NDEL1: variants seen among roughly 807,000 people sequenced by gnomAD.
The protein encoded by NDEL1 is nuclear distribution protein nudE-like 1.
NDEL1 carries 9 observed loss-of-function variants against 45.7 expected under a neutral mutation model. The observed-to-expected ratio is 0.20, with a 90% CI of 0.12 to 0.34. The LOEUF is 0.34. Ranked by LOEUF, NDEL1 falls within the 10% of genes least tolerant of loss-of-function variation. NDEL1 has a pLI of 1.00. For missense variants in NDEL1, 306 were observed against 406.2 expected (o/e 0.75, Z 2.12); for synonymous variants, 133 against 158.6 (o/e 0.84, Z 1.21).
intron 5 of NDEL1, among the ~76,000 whole-genome samples, chr17:8,449,694 ATGTGTAGTATGTGACAAAATTTCCTTC>A: frequency 2.0e-5 from 3 of 152,306 alleles, no homozygotes; most frequent in Middle Eastern, 6.8e-3. Flanking sequence ...AGGTTTATCC[ATGTGTAGTATGTGACAAAATTTCCTTC>A]TTTTTTAAGG....
Position 8,467,358 on chromosome 17 carries a change from T to A in NDEL1, c.*335T>A. The stretch of plus-strand genomic sequence containing the variant: ...ACCTGCCCCATAGCCCCCACTCTGC[T>A]GTACTGATAGGATTTAGTTGTGTTT... On this transcript the variant is annotated 3_prime_UTR_variant, in exon 9 of 9. Transcript: ENST00000334527. The surrounding 1 kb of genome is among the most constrained non-coding windows in gnomAD (Gnocchi z 6.3). The A allele has an allele frequency of 2.1e-6, 1 of 481,184 alleles. No individual in the cohort carries two copies. The highest frequency in any genetic ancestry group is 3.3e-5 in the East Asian group (1 of 29,890). The allele number at this position is 481,184 out of a possible 1,614,324, so 29.8% of individuals were successfully genotyped here.
At chr17:8,419,878 G>A (rs930604879) in intron 1 of NDEL1, among the ~76,000 whole-genome samples, 3 of 152,108 alleles carry the variant, frequency 2.0e-5, no homozygotes, top group South Asian at 2.1e-4. Context: ...TGAAACTGAC[G>A]AGGGCCAGAA....
chr17:8,419,288 G>T (rs1418901633), intron 1 of NDEL1, among the ~76,000 whole-genome samples: 1 of 151,942 alleles, frequency 6.6e-6, no homozygotes, highest in Admixed American at 6.6e-5. Context: ...AGAAAATTTG[G>T]AAAATACTGA....
chr17:8,432,315 A>AT (rs1437222149), upstream of NDEL1: 13 of 125,230 alleles, frequency 1.0e-4, no homozygotes, highest in South Asian at 2.4e-4. Context: ...ATATATATAT[A>AT]TATTTATATA....
intron 1 of NDEL1, among the ~76,000 whole-genome samples, chr17:8,420,763 C>T (rs1285731892): frequency 6.6e-6 from 1 of 152,108 alleles, no homozygotes; most frequent in Non-Finnish European, 1.5e-5. Flanking sequence ...GAAGGAGAAC[C>T]AAGCCTTAGA....
At chr17:8,442,776 AC>A (rs1478483151) in intron 1 of NDEL1, among the ~76,000 whole-genome samples, 4 of 48,804 alleles carry the variant, frequency 8.2e-5, no homozygotes, top group East Asian at 6.0e-4. Flanking sequence ...TTATTTATTT[AC>A]TTTTTTTTTT....
chr17:8,421,683 A>G (rs938981892), intron 1 of NDEL1, among the ~76,000 whole-genome samples: 1 of 152,240 alleles, frequency 6.6e-6, no homozygotes, highest in African/African-American at 2.4e-5. Flanking sequence ...TAGCAGCCAC[A>G]GGAAACAAAT....
chr17:8,438,220 G>C (rs1769633154), intron 1 of NDEL1, among the ~76,000 whole-genome samples: 1 of 152,198 alleles, frequency 6.6e-6, no homozygotes, highest in Non-Finnish European at 1.5e-5. Context: ...GCCTCACAAA[G>C]TGCTGGGATT....
chr17:8,415,947 C>T (rs183266502), intron 1 of NDEL1, among the ~76,000 whole-genome samples: 1 of 152,220 alleles, frequency 6.6e-6, no homozygotes, highest in Non-Finnish European at 1.5e-5. Context: ...TGGGGTTTCA[C>T]CATGATGGCC....
chr17:8,414,850 T>A (rs990573287), intron 1 of NDEL1, among the ~76,000 whole-genome samples: 1 of 152,102 alleles, frequency 6.6e-6, no homozygotes, highest in African/African-American at 2.4e-5. Context: ...TATCACTGAT[T>A]CCTCTCTAAC....
At chr17:8,473,907 C>G (rs1363856500) in intron 3 of NDEL1, among the ~76,000 whole-genome samples, 1 of 152,212 alleles carries the variant, frequency 6.6e-6, no homozygotes, top group Non-Finnish European at 1.5e-5. Context: ...AATGTCCTAA[C>G]CCAGCAGTGA....
At chr17:8,452,740 CTTTTTTTT>C in intron 6 of NDEL1, among the ~76,000 whole-genome samples, 6 of 95,628 alleles carry the variant, frequency 6.3e-5, no homozygotes, top group African/African-American at 2.5e-4. Flanking sequence ...TTTTTCTTCT[CTTTTTTTT>C]TTTTTTTTTT....
chr17:8,427,529 C>T (rs897643986), intron 1 of NDEL1, among the ~76,000 whole-genome samples: 27 of 152,136 alleles, frequency 1.8e-4, no homozygotes, highest in African/African-American at 6.5e-4. Flanking sequence ...GGTGACACCC[C>T]GTCTCTACTA....
upstream of NDEL1, among the ~76,000 whole-genome samples, chr17:8,432,367 T>A (rs1434434621): frequency 3.4e-5 from 2 of 59,462 alleles, no homozygotes; most frequent in African/African-American, 6.1e-5. Context: ...TAAATATATA[T>A]ATATTTAATG....
intron 2 of NDEL1, chr17:8,444,632 G>A (rs771259573): frequency 3.4e-6 from 1 of 290,060 alleles, no homozygotes; most frequent in East Asian, 8.7e-5. Flanking sequence ...AGTAGGCGGG[G>A]CCATCTTTGG....
upstream of NDEL1, chr17:8,432,015 A>G (rs900767805): frequency 2.0e-4 from 31 of 151,512 alleles, no homozygotes; most frequent in African/African-American, 6.6e-4. Flanking sequence ...ACATGCCATC[A>G]CATTCAGCTA....
chr17:8,419,453 C>T (rs1476443458), intron 1 of NDEL1, among the ~76,000 whole-genome samples: 1 of 152,152 alleles, frequency 6.6e-6, no homozygotes, highest in Non-Finnish European at 1.5e-5. Context: ...ATGCTCTCAA[C>T]TTATGAAATC....
At chr17:8,468,764 G>T (rs1315544537), downstream of NDEL1, among the ~76,000 whole-genome samples, 1 of 152,218 alleles carries the variant, frequency 6.6e-6, no homozygotes, top group African/African-American at 2.4e-5. Context: ...AAGAGACTTC[G>T]GGAGGCCGAG....
intron 8 of NDEL1, chr17:8,463,188 CAT>C (rs1346181861): frequency 8.4e-5 from 52 of 621,418 alleles, no homozygotes; most frequent in Admixed American, 7.3e-4. Context: ...TCTTAGGTAA[CAT>C]GTGCTCTATT....
Sources: allele counts gnomAD v4.1 joint callset (sites outside exome capture counted in the v4.1 genomes callset), GRCh38; gene constraint gnomAD v4.1.1; non-coding constraint Gnocchi (gnomAD v3.1); transcripts MANE v1.5; gene names NCBI Gene and HGNC (gene_info 2026-07-23, HGNC 2026-07-21).